WWOX: variants seen among roughly 807,000 people sequenced by gnomAD.
WWOX encodes WW domain-containing oxidoreductase.
A neutral mutation model predicts 46.2 loss-of-function variants in WWOX; 69 were observed. The ratio of observed to expected loss-of-function variants is 1.49; its 90% CI spans 1.23 to 1.82. The LOEUF (loss-of-function observed/expected upper bound fraction) is 1.82. WWOX is among the 40% of genes most tolerant of loss of function. The probability of loss-of-function intolerance (pLI) is 0.00; values close to 1 mark genes in which losing one functional copy is unlikely to be tolerated. For synonymous variants in WWOX, 359 were observed against 202.6 expected (o/e 1.77, Z -6.56); for missense variants, 919 against 542.6 (o/e 1.69, Z -6.89).
chr16:78,996,214 A>G, intron 8 of WWOX: 1 of 985,224 alleles, frequency 1.0e-6, no homozygotes, highest in Non-Finnish European at 1.2e-6. Context: ...ATTTTTGAAG[A>G]CTTGTGGATA....
rs918434167 is a variant in WWOX at position 78,363,840 on chromosome 16, C to T, written c.517-23020C>T. 2.0e-5 allele frequency among the ~76,000 whole-genome samples: 3 copies of T among 152,226 alleles called. No individual in the cohort carries two copies. The East Asian group carries it at 5.8e-4, about 30-fold the overall frequency. On this transcript the variant is annotated intron_variant, in intron 5 of 8. Coordinates refer to ENST00000566780, the MANE Select transcript of WWOX (RefSeq NM_016373.4). ...GATGAGGTTGGAGAGCAGGAACTTG[C>T]CCGAGGTCATGTGCAGAGTTCGAGG...
At chr16:78,959,192 G>C (rs1340874382) in intron 8 of WWOX, among the ~76,000 whole-genome samples, 1 of 152,128 alleles carries the variant, frequency 6.6e-6, no homozygotes, top group African/African-American at 2.4e-5. Flanking sequence ...TCTACGTCAA[G>C]GTTCTCGTTC....
chr16:79,077,082 A>G (rs2048671522), intron 8 of WWOX, among the ~76,000 whole-genome samples: 1 of 152,176 alleles, frequency 6.6e-6, no homozygotes, highest in African/African-American at 2.4e-5. Context: ...CAGGTCTCAT[A>G]GCAAAAAGGT....
chr16:78,671,252 G>C (rs769158697), intron 8 of WWOX, among the ~76,000 whole-genome samples: 2 of 151,972 alleles, frequency 1.3e-5, no homozygotes, highest in South Asian at 2.1e-4. Context: ...GCGAGACCCC[G>C]TCTCTACAAA....
chr16:78,367,236 C>T lies in WWOX; in HGVS notation c.517-19624C>T, dbSNP rs28520492. ...CCTCGTGATTCAACTGCCTCGCCCT[C>T]CCAAAGTGCTGGGATTACAGGCGTG... is the stretch of plus-strand genomic sequence containing the variant. On this transcript the variant is annotated intron_variant, in intron 5 of 8. Coordinates refer to ENST00000566780, the MANE Select transcript of WWOX (RefSeq NM_016373.4). Among the ~76,000 whole-genome samples the T allele has an allele frequency of 5.6e-3, 854 of 152,204 alleles. 4 individuals are homozygous for T. The highest frequency in any genetic ancestry group is 0.019 in the African/African-American group (803 of 41,522).
chr16:78,175,030 A>AATAATAATG (rs545070892), intron 5 of WWOX, among the ~76,000 whole-genome samples: 1 of 125,850 alleles, frequency 7.9e-6, no homozygotes, highest in African/African-American at 3.2e-5. Context: ...TAATAATAAT[A>AATAATAATG]AGAATCTGAC....
intron 5 of WWOX, among the ~76,000 whole-genome samples, chr16:78,363,146 T>TTGTG (rs60731117): frequency 4.6e-5 from 7 of 150,766 alleles, no homozygotes; most frequent in African/African-American, 9.7e-5. Context: ...GTGTATGTGT[T>TTGTG]TGTGTGTGTG....
chr16:78,609,552 T>G (rs1184994107), intron 8 of WWOX, among the ~76,000 whole-genome samples: 1 of 151,912 alleles, frequency 6.6e-6, no homozygotes, highest in African/African-American at 2.4e-5. Flanking sequence ...TCTTTTTTTT[T>G]CTTTTTCCCA....
intron 8 of WWOX, among the ~76,000 whole-genome samples, chr16:78,703,320 A>G (rs1300212005): frequency 2.0e-5 from 3 of 152,148 alleles, no homozygotes; most frequent in Non-Finnish European, 4.4e-5. Context: ...AATTTCTAAC[A>G]AAATGGGAGT....
intron 5 of WWOX, among the ~76,000 whole-genome samples, chr16:78,350,838 T>G (rs35187273): frequency 0.041 from 4,947 of 120,378 alleles, 1,406 homozygotes; most frequent in Non-Finnish European, 0.053. Flanking sequence ...CTGGATCACG[T>G]GGAACTCCTT....
At chr16:79,066,993 C>T (rs999441569) in intron 8 of WWOX, among the ~76,000 whole-genome samples, 4 of 152,164 alleles carry the variant, frequency 2.6e-5, no homozygotes, top group African/African-American at 9.7e-5. Flanking sequence ...TCTGAAAGGG[C>T]ATTCTGCATG....
intron 5 of WWOX, among the ~76,000 whole-genome samples, chr16:78,345,197 C>A (rs1366567184): frequency 8.5e-6 from 1 of 117,770 alleles, no homozygotes; most frequent in East Asian, 1.9e-4. Context: ...GGCCTCAGAA[C>A]TGCAGAACAT....
In WWOX at chr16:78,126,165, G is replaced by T. The variant is rs113300350; in HGVS notation, c.409+11011G>T. 2.5e-3 allele frequency among the ~76,000 whole-genome samples: 383 copies of T among 152,196 alleles called. 3 individuals carry two copies. Among genetic ancestry groups the T allele is most frequent in the Middle Eastern group, 0.01 (3 of 294 alleles). On this transcript the variant is annotated intron_variant, in intron 4 of 8. Coordinates refer to ENST00000566780, the MANE Select transcript of WWOX (RefSeq NM_016373.4). The stretch of plus-strand genomic sequence containing the variant: ...GCTCTTCTCCCAGTGTGGTACATTC[G>T]GGTGGTTTCCAGCTTTTTAATAGCT...
At chr16:78,300,414 A>G (rs1053454986) in intron 5 of WWOX, among the ~76,000 whole-genome samples, 11 of 152,058 alleles carry the variant, frequency 7.2e-5, no homozygotes, top group African/African-American at 2.7e-4. Flanking sequence ...GTGCCATAAC[A>G]TGTCTGTGTC....
chr16:78,459,590 A>T (rs144649551), intron 8 of WWOX, among the ~76,000 whole-genome samples: 1 of 152,222 alleles, frequency 6.6e-6, no homozygotes, highest in African/African-American at 2.4e-5. Context: ...TCAGGCATCA[A>T]TGGCTTTTTA....
rs185064644 is a variant in WWOX, at chr16:78,518,292, C to T, written c.1056+85540C>T. On this transcript the variant is annotated intron_variant, in intron 8 of 8. Coordinates refer to ENST00000566780, the MANE Select transcript of WWOX (RefSeq NM_016373.4). ...TGTCACCCAGGCTGAAGTGCAGTGG[C>T]GTGATCTCAACTCACCGCAGCCTCC... 5.4e-4 allele frequency among the ~76,000 whole-genome samples: 82 copies of T among 152,184 alleles called. 2 individuals carry two copies. Among genetic ancestry groups the T allele is most frequent in the Admixed American group, 3.4e-3 (52 of 15,280 alleles).
intron 8 of WWOX, among the ~76,000 whole-genome samples, chr16:78,449,702 T>C (rs2083644781): frequency 6.6e-6 from 1 of 152,236 alleles, no homozygotes; most frequent in African/African-American, 2.4e-5. Flanking sequence ...GGAGGTAAGA[T>C]TTAGTCATTT....
chr16:78,472,364 A>G (rs2084244101), intron 8 of WWOX, among the ~76,000 whole-genome samples: 1 of 152,202 alleles, frequency 6.6e-6, no homozygotes, highest in Non-Finnish European at 1.5e-5. Context: ...TTTTTAAATA[A>G]TGAAAAACTT....
intron 5 of WWOX, among the ~76,000 whole-genome samples, chr16:78,361,244 A>G (rs1242327656): frequency 1.3e-5 from 2 of 152,228 alleles, no homozygotes; most frequent in East Asian, 3.8e-4. Context: ...AGAACATTAT[A>G]AAAATGATGT....
Sources: gnomAD v4.1 joint callset for allele counts (sites outside exome capture counted in the v4.1 genomes callset) on GRCh38, gnomAD v4.1.1 for gene constraint, MANE v1.5 for transcripts, NCBI Gene and HGNC (gene_info 2026-07-23, HGNC 2026-07-21) for gene names.